GNG7: variants seen among roughly 807,000 people sequenced by gnomAD.
The protein encoded by GNG7 is G protein subunit gamma 7, also known as guanine nucleotide-binding protein G(I)/G(S)/G(O) subunit gamma-7.
In GNG7, 1 loss-of-function variant was observed where a neutral mutation model predicts 4.0. The ratio of observed to expected loss-of-function variants is 0.25; its 90% confidence interval spans 0.09 to 1.18. The LOEUF is 1.18. GNG7 is among the 50% of genes most tolerant of loss of function. The pLI, the probability that GNG7 is intolerant of heterozygous loss-of-function variation, is 0.50. For missense variants in GNG7, 86 were observed against 91.9 expected (o/e 0.94, Z 0.26); for synonymous variants, 34 against 36.9 (o/e 0.92, Z 0.29).
At chr19:2,549,847 G>A (rs538255528) in intron 3 of GNG7, among the ~76,000 whole-genome samples, 1 of 152,350 alleles carries the variant, frequency 6.6e-6, no homozygotes, top group East Asian at 1.9e-4. Context: ...GTGACAGTGA[G>A]TTCGTCTTGG....
At chr19:2,632,439 A>C (rs1599431293) in intron 2 of GNG7, 1 of 151,906 alleles carries the variant, frequency 6.6e-6, no homozygotes, top group East Asian at 1.9e-4. Context: ...CAAAAAAAAA[A>C]AAAACAAAAA....
rs904344826 is a variant in GNG7 at position 2,553,718 on chromosome 19, A to G, written c.-38+1431T>C. Among the ~76,000 whole-genome samples the G allele has an allele frequency of 1.7e-4, 25 of 148,752 alleles. 1 individual carries two copies. The highest frequency in any genetic ancestry group is 3.9e-4 in the East Asian group (2 of 5,140). ...ATGTGCACATTACATATAATATATT[A>G]CATATATGTACATATTACATGCAAT... On this transcript the variant is annotated intron_variant, in intron 3 of 4. Coordinates refer to ENST00000382159, the MANE Select transcript of GNG7 (RefSeq NM_052847.3).
intron 1 of GNG7, among the ~76,000 whole-genome samples, chr19:2,696,683 G>A (rs1405816744): frequency 6.6e-6 from 1 of 152,248 alleles, no homozygotes; most frequent in African/African-American, 2.4e-5. Context: ...CCTTGAGCAT[G>A]TCACACGCAG....
chr19:2,552,854 C>A lies in GNG7; in HGVS notation c.-38+2295G>T, dbSNP rs956629278. 1.9e-4 allele frequency among the ~76,000 whole-genome samples: 26 copies of A among 133,984 alleles called. No individual in the cohort carries two copies. The Admixed American group carries it at 2.0e-3, about 10-fold the overall frequency. The allele number at this position is 133,984 out of a possible 152,430, so 87.9% of individuals were successfully genotyped here. The stretch of plus-strand genomic sequence containing the variant: ...CCCAAACCATCCTCCCGGCTCCACC[C>A]CCCCCACCTCCCCACTGTCTGTGGA... On this transcript the variant is annotated intron_variant, in intron 3 of 4. Transcript: ENST00000382159.
chr19:2,593,201 C>G (rs1331099761), intron 2 of GNG7, among the ~76,000 whole-genome samples: 1 of 152,116 alleles, frequency 6.6e-6, no homozygotes, highest in Admixed American at 6.6e-5. Context: ...TGGCCTGTGG[C>G]CACCCAGATT....
At chr19:2,686,897 G>A (rs1346916697) in intron 1 of GNG7, among the ~76,000 whole-genome samples, 3 of 150,966 alleles carry the variant, frequency 2.0e-5, no homozygotes, top group South Asian at 2.1e-4. Context: ...GACTACAGGC[G>A]CCCGCCACCA....
chr19:2,574,549 C>T (rs945535740), intron 2 of GNG7, among the ~76,000 whole-genome samples: 4 of 152,280 alleles, frequency 2.6e-5, no homozygotes, highest in East Asian at 3.9e-4. Flanking sequence ...CGCTGTAGCC[C>T]GTGTCTGGAT....
chr19:2,678,785 G>C (rs1052933197), intron 1 of GNG7, among the ~76,000 whole-genome samples: 2 of 151,820 alleles, frequency 1.3e-5, no homozygotes, highest in Non-Finnish European at 2.9e-5. Context: ...GGCCTTCAAC[G>C]CCAGGTCTAC....
chr19:2,599,000 C>G (rs1003495757), intron 2 of GNG7, among the ~76,000 whole-genome samples: 17 of 152,198 alleles, frequency 1.1e-4, no homozygotes, highest in African/African-American at 3.9e-4. Context: ...GCATACAGTT[C>G]CACCGAGGGC....
intron 2 of GNG7, chr19:2,642,211 C>T (rs4074810): frequency 0.16 from 26,540 of 166,468 alleles, 2,278 homozygotes; most frequent in Middle Eastern, 0.24. Flanking sequence ...TGGGACAGGT[C>T]ATGGAGAACG....
chr19:2,662,420 T>C (rs1449587115), intron 1 of GNG7, among the ~76,000 whole-genome samples: 1 of 152,092 alleles, frequency 6.6e-6, no homozygotes, highest in Non-Finnish European at 1.5e-5. Flanking sequence ...GGTTGAGGGC[T>C]AAATCCCCCC....
At chr19:2,539,127 G>A (rs1428591808) in intron 3 of GNG7, among the ~76,000 whole-genome samples, 1 of 152,146 alleles carries the variant, frequency 6.6e-6, no homozygotes, top group Non-Finnish European at 1.5e-5. Flanking sequence ...TTTAATACTT[G>A]TAGTTTAGTT....
At position 2,643,602 on chromosome 19, in the gene GNG7, C is replaced by T. The variant is rs190191804; in HGVS notation, c.-78+2622G>A. On this transcript the variant is annotated intron_variant, in intron 2 of 4. Transcript: ENST00000382159. Reference sequence around the variant, plus strand: ...TGCACACCTTCCGGCCCGGCTCCGTCGGCACCGGAAATGCAAAGTCCGAGA... The same window carrying T: ...TGCACACCTTCCGGCCCGGCTCCGTTGGCACCGGAAATGCAAAGTCCGAGA... The T allele has an allele frequency of 1.7e-3, 726 of 431,708 alleles. 9 individuals carry two copies. The highest frequency in any genetic ancestry group is 0.011 in the South Asian group (706 of 61,590). 26.7% of individuals were successfully genotyped at this position (431,708 alleles called of 1,614,324 possible). A position where few individuals can be genotyped will look rare whatever the true frequency, so the allele number is the denominator to read the frequency against.
intron 1 of GNG7, among the ~76,000 whole-genome samples, chr19:2,681,418 C>A (rs1239097407): frequency 6.6e-6 from 1 of 152,118 alleles, no homozygotes; most frequent in Non-Finnish European, 1.5e-5. Flanking sequence ...CTCCTGACCT[C>A]ATGATCCGCC....
chr19:2,565,252 C>T (rs1979865344), intron 2 of GNG7, among the ~76,000 whole-genome samples: 1 of 152,060 alleles, frequency 6.6e-6, no homozygotes, highest in African/African-American at 2.4e-5. Flanking sequence ...TGGCTCACAC[C>T]TGTCATCCCA....
intron 2 of GNG7, among the ~76,000 whole-genome samples, chr19:2,567,088 G>A (rs1421701376): frequency 6.7e-6 from 1 of 148,614 alleles, no homozygotes; most frequent in African/African-American, 2.5e-5. Flanking sequence ...GTCCGGCCTG[G>A]GCGACAGAGC....
chr19:2,602,545 T>C (rs1286036771), intron 2 of GNG7, among the ~76,000 whole-genome samples: 2 of 152,190 alleles, frequency 1.3e-5, no homozygotes, highest in Non-Finnish European at 2.9e-5. Flanking sequence ...TGCAGGGAAA[T>C]GCAGGCAGAT....
chr19:2,614,981 A>G lies in GNG7; in HGVS notation c.-78+31243T>C, dbSNP rs898845859. On this transcript the variant is annotated intron_variant, in intron 2 of 4. Coordinates refer to ENST00000382159, the MANE Select transcript of GNG7 (RefSeq NM_052847.3). This position sits in a 1 kb window ranked among gnomAD's most constrained non-coding sequence, Gnocchi z 6.0. ...GGCAGGCAGCTGATTGTTGAAGGTC[A>G]CCCCGTAGCCATTGGCAGAGCCAGA... 6.6e-6 allele frequency among the ~76,000 whole-genome samples: 1 copy of G among 152,046 alleles called. No homozygotes were observed. The highest frequency in any genetic ancestry group is 2.4e-5 in the African/African-American group (1 of 41,390).
At chr19:2,637,982 G>C (rs1251481928) in intron 2 of GNG7, among the ~76,000 whole-genome samples, 2 of 152,210 alleles carry the variant, frequency 1.3e-5, no homozygotes, top group Non-Finnish European at 2.9e-5. Flanking sequence ...ATGAATCCCA[G>C]GAGCTGGGGG....
Sources: allele counts gnomAD v4.1 joint callset (sites outside exome capture counted in the v4.1 genomes callset), GRCh38; gene constraint gnomAD v4.1.1; non-coding constraint Gnocchi (gnomAD v3.1); transcripts MANE v1.5; gene names NCBI Gene and HGNC (gene_info 2026-07-23, HGNC 2026-07-21).